The following FBRSL1 variants were observed in gnomAD, a reference collection of about 807,000 sequenced individuals.
FBRSL1 encodes fibrosin-1-like protein.
FBRSL1 carries 51 observed loss-of-function variants against 89.6 expected under a neutral mutation model. The observed-to-expected ratio is 0.57, with a 90% CI of 0.45 to 0.72. The LOEUF is 0.72. Ranked by LOEUF, FBRSL1 falls within the 30% of genes least tolerant of loss-of-function variation. The probability of loss-of-function intolerance (pLI) is 0.00; values close to 1 mark genes in which losing one functional copy is unlikely to be tolerated. For missense variants in FBRSL1, 1,618 were observed against 1,451.8 expected, an observed-to-expected ratio of 1.11 and a Z score of -1.86; for synonymous variants, 779 against 681.1, an observed-to-expected ratio of 1.14 and a Z score of -2.24.
At position 132,546,058 on chromosome 12, in the gene FBRSL1, T is replaced by C. The variant is rs2037659833; in HGVS notation, c.616-1945T>C. ...CACAGTCTCGGCTCCTGCTTTGCCC[T>C]CTTCCGGTCCCCTCAGCCCTGGCGT... On this transcript the variant is annotated intron_variant, in intron 4 of 18. Transcript: ENST00000680143. This position sits in a 1 kb window ranked among gnomAD's most constrained non-coding sequence, Gnocchi z 4.0. 6.6e-6 allele frequency among the ~76,000 whole-genome samples: 1 copy of C among 152,212 alleles called. No homozygotes were observed. The highest frequency in any genetic ancestry group is 2.4e-5 in the African/African-American group (1 of 41,452).
At chr12:132,528,891 T>A (rs1241201172) in intron 4 of FBRSL1, among the ~76,000 whole-genome samples, 1 of 152,158 alleles carries the variant, frequency 6.6e-6, no homozygotes, top group East Asian at 1.9e-4. Context: ...CTTGCACATG[T>A]GCCTGGACTT....
rs528904384 is a variant in FBRSL1, at chr12:132,520,589, C to G, written c.490-5145C>G. ...CTGTGGGTGCGGCATCGGCTCCTCC[C>G]GACCAGGGACATGAGCCCAGCCCCC... On this transcript the variant is annotated intron_variant, in intron 2 of 18. Transcript: ENST00000680143. Among the ~76,000 whole-genome samples the G allele has an allele frequency of 3.9e-5, 6 of 152,222 alleles. No homozygotes were observed. In the South Asian group the frequency reaches 8.3e-4, roughly 21 times the overall value.
intron 2 of FBRSL1, chr12:132,511,365 C>T (rs2034319202): frequency 2.0e-6 from 2 of 985,620 alleles, no homozygotes; most frequent in Non-Finnish European, 2.4e-6. Flanking sequence ...GGGCACACCT[C>T]ACACTACAAG....
chr12:132,505,377 C>T (rs2136513055), intron 1 of FBRSL1, among the ~76,000 whole-genome samples: 1 of 152,254 alleles, frequency 6.6e-6, no homozygotes, highest in South Asian at 2.1e-4. Flanking sequence ...GCCTAGCTTA[C>T]AAATGAGGAC....
intron 4 of FBRSL1, among the ~76,000 whole-genome samples, chr12:132,541,433 A>C (rs2037260846): frequency 6.6e-6 from 1 of 151,470 alleles, no homozygotes; most frequent in Non-Finnish European, 1.5e-5. Flanking sequence ...GAGGTCATGC[A>C]CCCCCCCACC....
intron 1 of FBRSL1, among the ~76,000 whole-genome samples, chr12:132,494,868 C>T (rs935401783): frequency 2.0e-5 from 3 of 152,242 alleles, no homozygotes; most frequent in Non-Finnish European, 2.9e-5. Flanking sequence ...AACGCCTGTG[C>T]TTCCACATTC....
chr12:132,553,492 G>C (rs879791028), intron 5 of FBRSL1: 1 of 151,854 alleles, frequency 6.6e-6, no homozygotes, highest in African/African-American at 2.4e-5. Context: ...TTTGGTGGGG[G>C]CCTGCTGGGG....
rs2045225704 is a variant in FBRSL1, at chr12:132,490,587, G to A, written c.17G>A (p.Arg6His). The A allele has an allele frequency of 2.0e-6, 2 of 982,478 alleles. No homozygotes were observed. Among genetic ancestry groups the A allele is most frequent in the Non-Finnish European group, 2.4e-6 (2 of 829,346 alleles). 60.9% of individuals were successfully genotyped at this position (982,478 alleles called of 1,614,324 possible). Reference sequence around the variant, plus strand: ...CGCGCGGCCATGGAGGCCAAGGTCCGCCCGAGCCGGCGCTCGCGCGCGCAG... The same window carrying A: ...CGCGCGGCCATGGAGGCCAAGGTCCACCCGAGCCGGCGCTCGCGCGCGCAG... MEAKV[R>H]PSRRSRAQRD... The change falls in exon 1 of 19, where the codon CGC (arginine) becomes CAC (histidine). Residue 6 changes from arginine (R) to histidine (H), a missense_variant. Arg to His is a conservative substitution (Grantham distance 29). Coordinates refer to ENST00000680143, the MANE Select transcript of FBRSL1 (RefSeq NM_001367871.1).
At chr12:132,536,375 T>C (rs11146919) in intron 4 of FBRSL1, among the ~76,000 whole-genome samples, 33,517 of 151,204 alleles carry the variant, frequency 0.22, 4,693 homozygotes, top group Non-Finnish European at 0.32. Context: ...TACATGATGG[T>C]GTGTGTGCCA....
chr12:132,508,558 C>T (rs1268024970), intron 2 of FBRSL1, among the ~76,000 whole-genome samples: 1 of 152,214 alleles, frequency 6.6e-6, no homozygotes, highest in Non-Finnish European at 1.5e-5. Context: ...GGGGCCGTGA[C>T]GTGCCCAGGG....
intron 4 of FBRSL1, among the ~76,000 whole-genome samples, chr12:132,535,845 TGTGTGAGTGCACGTGTGTCCATGATG>T (rs1424639583): frequency 3.4e-5 from 5 of 148,984 alleles, no homozygotes; most frequent in Admixed American, 6.6e-5. Context: ...GTGTCCATGG[TGTGTGAGTGCACGTGTGTCCATGATG>T]GTGTGAGTGC....
chr12:132,520,058 T>G (rs1399476778), intron 2 of FBRSL1, among the ~76,000 whole-genome samples: 2 of 151,224 alleles, frequency 1.3e-5, no homozygotes, highest in African/African-American at 4.9e-5. Context: ...ACAGCCTTCC[T>G]CGCACTCCTC....
At chr12:132,496,846 G>C (rs1302567285) in intron 1 of FBRSL1, among the ~76,000 whole-genome samples, 1 of 141,114 alleles carries the variant, frequency 7.1e-6, no homozygotes, top group Non-Finnish European at 1.6e-5. Context: ...GCCCTGCGGT[G>C]TCCTGTGTTG....
intron 2 of FBRSL1, among the ~76,000 whole-genome samples, chr12:132,514,886 C>G (rs2034696593): frequency 6.6e-6 from 1 of 152,180 alleles, no homozygotes; most frequent in Admixed American, 6.5e-5. Flanking sequence ...AATAGTATTT[C>G]AACAATGTAA....
intron 4 of FBRSL1, among the ~76,000 whole-genome samples, chr12:132,540,755 G>A (rs921491371): frequency 4.6e-5 from 7 of 151,820 alleles, no homozygotes; most frequent in South Asian, 2.1e-4. Flanking sequence ...TGCCTCACCC[G>A]GGGGGGCCCC....
intron 1 of FBRSL1, among the ~76,000 whole-genome samples, chr12:132,500,962 C>T (rs2032870995): frequency 6.6e-6 from 1 of 152,248 alleles, no homozygotes; most frequent in South Asian, 2.1e-4. Flanking sequence ...ACTCGCCTGC[C>T]CCTCACACCC....
At chr12:132,549,323 C>T (rs1181049962) in intron 5 of FBRSL1, among the ~76,000 whole-genome samples, 1 of 152,206 alleles carries the variant, frequency 6.6e-6, no homozygotes, top group African/African-American at 2.4e-5. Flanking sequence ...GGGGACGCGT[C>T]CTGGTGGTCA....
intron 4 of FBRSL1, among the ~76,000 whole-genome samples, chr12:132,543,174 G>T (rs1191528845): frequency 1.3e-5 from 2 of 152,216 alleles, no homozygotes; most frequent in Admixed American, 1.3e-4. Context: ...CATTTATGAA[G>T]CCTGGCCGCC....
At chr12:132,541,351 C>T (rs962373407) in intron 4 of FBRSL1, among the ~76,000 whole-genome samples, 15 of 152,226 alleles carry the variant, frequency 9.9e-5, no homozygotes, top group Non-Finnish European at 1.9e-4. Flanking sequence ...CCTCAAGTGC[C>T]AGATTTGGGC....
Sources: gnomAD v4.1 joint callset for allele counts (sites outside exome capture counted in the v4.1 genomes callset) on GRCh38, gnomAD v4.1.1 for gene constraint, Gnocchi (gnomAD v3.1) non-coding constraint, MANE v1.5 for transcripts, NCBI Gene and HGNC (gene_info 2026-07-23, HGNC 2026-07-21) for gene names.